Variants in KIAA1328 observed in about 807,000 individuals in gnomAD.
KIAA1328 encodes protein hinderin.
KIAA1328 carries 52 observed loss-of-function variants against 68.1 expected under a neutral mutation model. The observed-to-expected ratio is 0.76, with a 90% CI of 0.61 to 0.96. The LOEUF is 0.96. Among genes scored for constraint, KIAA1328 ranks in the 40% least tolerant of loss-of-function variants. The probability of loss-of-function intolerance (pLI) is 0.00; values close to 1 mark genes in which losing one functional copy is unlikely to be tolerated. For synonymous variants in KIAA1328, 232 were observed against 239.4 expected (o/e 0.97, Z 0.28); for missense variants, 641 against 677.6 (o/e 0.95, Z 0.60).
intron 3 of KIAA1328, among the ~76,000 whole-genome samples, chr18:36,840,602 C>T (rs897358995): frequency 2.3e-4 from 35 of 151,878 alleles, no homozygotes; most frequent in Admixed American, 5.2e-4. Context: ...ATTACAGGAA[C>T]GCACTACCAT....
intron 7 of KIAA1328, among the ~76,000 whole-genome samples, chr18:37,132,316 G>A (rs780118235): frequency 1.2e-4 from 18 of 152,090 alleles, no homozygotes; most frequent in Non-Finnish European, 2.2e-4. Flanking sequence ...TGTTGTTATC[G>A]AGTGTAATAA....
chr18:37,223,149 G>A lies in KIAA1328; in HGVS notation c.*922G>A, dbSNP rs2060594851. On this transcript the variant is annotated 3_prime_UTR_variant, in exon 10 of 10. Transcript: ENST00000280020. ...AGAGAGTGATGCAAGCTGCTGCAAA[G>A]CTGATGGGCTTCCTCTGGCCCTCCC... 3.7e-5 allele frequency: 36 copies of A among 979,232 alleles called. No individual in the cohort carries two copies. Among genetic ancestry groups the A allele is most frequent in the Non-Finnish European group, 4.3e-5 (36 of 829,238 alleles). 60.7% of individuals were successfully genotyped at this position (979,232 alleles called of 1,614,324 possible). A position where few individuals can be genotyped will look rare whatever the true frequency, so the allele number is the denominator to read the frequency against.
intron 5 of KIAA1328, among the ~76,000 whole-genome samples, chr18:36,944,824 A>G (rs988939572): frequency 6.6e-6 from 1 of 152,226 alleles, no homozygotes; most frequent in Admixed American, 6.5e-5. Flanking sequence ...ACATTTAACA[A>G]TTAATAGATT....
At chr18:36,919,431 T>A (rs895592347) in intron 5 of KIAA1328, among the ~76,000 whole-genome samples, 1 of 152,168 alleles carries the variant, frequency 6.6e-6, no homozygotes, top group African/African-American at 2.4e-5. Context: ...TGATCATGAG[T>A]TCTTAGTCTG....
chr18:37,165,493 C>T (rs1556909080), intron 8 of KIAA1328, among the ~76,000 whole-genome samples: 1 of 151,592 alleles, frequency 6.6e-6, no homozygotes, highest in Non-Finnish European at 1.5e-5. Context: ...TATATCGGTT[C>T]ACTGCAGCCT....
chr18:36,830,336 A>G (rs576678839), intron 1 of KIAA1328, among the ~76,000 whole-genome samples: 1 of 152,374 alleles, frequency 6.6e-6, no homozygotes, highest in South Asian at 2.1e-4. Flanking sequence ...GAAATCATGT[A>G]CATACACTGT....
chr18:37,016,733 G>T (rs1439834679), intron 6 of KIAA1328, among the ~76,000 whole-genome samples: 1 of 152,048 alleles, frequency 6.6e-6, no homozygotes, highest in African/African-American at 2.4e-5. Flanking sequence ...ATTTCCTCTA[G>T]ATTTTCTAGT....
At chr18:36,953,501 T>C (rs1344165755) in intron 5 of KIAA1328, among the ~76,000 whole-genome samples, 1 of 150,914 alleles carries the variant, frequency 6.6e-6, no homozygotes, top group Non-Finnish European at 1.5e-5. Context: ...TTATATAAAT[T>C]GTAAATTTAC....
At chr18:36,882,932 T>C (rs925837309) in intron 4 of KIAA1328, among the ~76,000 whole-genome samples, 12 of 152,208 alleles carry the variant, frequency 7.9e-5, no homozygotes, top group African/African-American at 2.7e-4. Flanking sequence ...TATCTACATA[T>C]GGCTTTTATG....
intron 6 of KIAA1328, among the ~76,000 whole-genome samples, chr18:37,034,445 C>G (rs2054951498): frequency 6.6e-6 from 1 of 152,116 alleles, no homozygotes; most frequent in Non-Finnish European, 1.5e-5. Flanking sequence ...TGAATAAGAA[C>G]TACAGAAACA....
At chr18:36,885,307 A>G (rs980696422) in intron 4 of KIAA1328, among the ~76,000 whole-genome samples, 17 of 152,170 alleles carry the variant, frequency 1.1e-4, no homozygotes, top group African/African-American at 3.9e-4. Context: ...AGGACTTTGC[A>G]TATTTAAGAT....
chr18:37,095,909 C>T (rs1004037201), intron 7 of KIAA1328, among the ~76,000 whole-genome samples: 1 of 152,120 alleles, frequency 6.6e-6, no homozygotes, highest in Non-Finnish European at 1.5e-5. Flanking sequence ...AATTCCTGGA[C>T]ATACGCAGTG....
At chr18:36,962,784 C>A (rs1259597821) in intron 6 of KIAA1328, among the ~76,000 whole-genome samples, 5 of 152,306 alleles carry the variant, frequency 3.3e-5, no homozygotes, top group Non-Finnish European at 7.4e-5. Flanking sequence ...AACAGAGACA[C>A]AACGTGCCAG....
Position 37,223,143 on chromosome 18 carries a change from T to C in KIAA1328, c.*916T>C. The C allele has an allele frequency of 1.0e-6, 1 of 974,762 alleles. No homozygotes were observed. Among genetic ancestry groups the C allele is most frequent in the Non-Finnish European group, 1.2e-6 (1 of 828,392 alleles). The allele number at this position is 974,762 out of a possible 1,614,324, so 60.4% of individuals were successfully genotyped here. ...CTAGAGAGAGAGTGATGCAAGCTGCTGCAAAGCTGATGGGCTTCCTCTGGC... is the reference window on the plus strand; with the variant it reads ...CTAGAGAGAGAGTGATGCAAGCTGCCGCAAAGCTGATGGGCTTCCTCTGGC... On this transcript the variant is annotated 3_prime_UTR_variant, in exon 10 of 10. Transcript: ENST00000280020.
intron 7 of KIAA1328, among the ~76,000 whole-genome samples, chr18:37,137,374 T>C (rs997660663): frequency 2.0e-5 from 3 of 152,146 alleles, no homozygotes; most frequent in African/African-American, 7.2e-5. Flanking sequence ...AAAACCCTCA[T>C]TTTTGCCTTG....
intron 4 of KIAA1328, among the ~76,000 whole-genome samples, chr18:36,857,593 C>A (rs755302639): frequency 4.6e-5 from 7 of 152,212 alleles, no homozygotes; most frequent in Non-Finnish European, 1.0e-4. Flanking sequence ...ACCATACCAT[C>A]CTTTTACCAA....
At chr18:36,902,371 G>GA (rs1427739090) in intron 5 of KIAA1328, 2 of 151,788 alleles carry the variant, frequency 1.3e-5, no homozygotes, top group African/African-American at 4.8e-5. Context: ...TCTTTTTCTG[G>GA]AAAAAAGTTT....
At chr18:36,936,447 A>G (rs897032886) in intron 5 of KIAA1328, among the ~76,000 whole-genome samples, 12 of 152,302 alleles carry the variant, frequency 7.9e-5, no homozygotes, top group Non-Finnish European at 1.6e-4. Context: ...CCTGCAAAGG[A>G]CATGATCTCA....
At chr18:37,000,998 A>G (rs1403570921) in intron 6 of KIAA1328, among the ~76,000 whole-genome samples, 1 of 152,034 alleles carries the variant, frequency 6.6e-6, no homozygotes, top group Non-Finnish European at 1.5e-5. Flanking sequence ...AAGTAGAAAT[A>G]AACCAAATCC....
Sources: gnomAD v4.1 joint callset for allele counts (sites outside exome capture counted in the v4.1 genomes callset) on GRCh38, gnomAD v4.1.1 for gene constraint, MANE v1.5 for transcripts, NCBI Gene and HGNC (gene_info 2026-07-23, HGNC 2026-07-21) for gene names.